Variants in ZNF385D observed in about 807,000 individuals in gnomAD.
ZNF385D encodes the protein zinc finger protein 659.
Under a neutral mutation model 35.8 loss-of-function variants are expected in ZNF385D, and 15 were observed. The ratio of observed to expected loss-of-function variants is 0.42; its 90% CI spans 0.28 to 0.64. ZNF385D has a LOEUF of 0.64. Among genes scored for constraint, ZNF385D ranks in the 30% least tolerant of loss-of-function variants. The probability of loss-of-function intolerance (pLI) is 0.23; values close to 1 mark genes in which losing one functional copy is unlikely to be tolerated. For missense variants in ZNF385D, 474 were observed against 494.6 expected, an observed-to-expected ratio of 0.96 and a Z score of 0.39; for synonymous variants, 212 against 186.8, an observed-to-expected ratio of 1.13 and a Z score of -1.10.
chr3:21,659,922 T>C (rs1039814936), intron 2 of ZNF385D, among the ~76,000 whole-genome samples: 1 of 152,158 alleles, frequency 6.6e-6, no homozygotes, highest in Non-Finnish European at 1.5e-5. Flanking sequence ...ACTTTTAACA[T>C]GATTACCTGT....
At chr3:22,236,747 A>C (rs933940098) in intron 2 of ZNF385D, among the ~76,000 whole-genome samples, 5 of 152,090 alleles carry the variant, frequency 3.3e-5, no homozygotes, top group Admixed American at 6.6e-5. Context: ...CTAGTAATCT[A>C]CTTTCTGTCT....
At chr3:22,103,158 C>G (rs766687638) in intron 3 of ZNF385D, among the ~76,000 whole-genome samples, 1 of 151,150 alleles carries the variant, frequency 6.6e-6, no homozygotes, top group African/African-American at 2.4e-5. Flanking sequence ...CAAGATACTG[C>G]GGTTGTACAA....
In ZNF385D at chr3:21,732,766, T is replaced by G. The variant is rs371669915; in HGVS notation, c.22+18129A>C. Among the ~76,000 whole-genome samples, 194 of 152,354 alleles carry G rather than the reference T, an allele frequency of 1.3e-3. 3 individuals carry two copies. The South Asian group carries it at 0.039, about 31-fold the overall frequency. On this transcript the variant is annotated intron_variant, in intron 1 of 7. Transcript: ENST00000281523. Reference sequence around the variant, plus strand: ...TGTTTTCTTATTCTTGACCTTGAAGTGTTCTCTGTATATTTTGGATGACAG... The same window carrying G: ...TGTTTTCTTATTCTTGACCTTGAAGGGTTCTCTGTATATTTTGGATGACAG...
At chr3:22,085,106 G>T (rs1700959128) in intron 3 of ZNF385D, among the ~76,000 whole-genome samples, 1 of 152,160 alleles carries the variant, frequency 6.6e-6, no homozygotes, top group Non-Finnish European at 1.5e-5. Context: ...AGCACTAAAT[G>T]CTCACAAGAG....
chr3:21,430,429 CATT>C (rs1195074979), intron 5 of ZNF385D, among the ~76,000 whole-genome samples: 1 of 151,994 alleles, frequency 6.6e-6, no homozygotes, highest in African/African-American at 2.4e-5. Flanking sequence ...GCTCTGAAGT[CATT>C]ATGGGGTAGG....
chr3:21,511,776 G>A (rs1323132937), intron 3 of ZNF385D: 6 of 456,096 alleles, frequency 1.3e-5, no homozygotes, highest in Non-Finnish European at 2.6e-5. Context: ...TATAGAGAGA[G>A]AGTTTAGAGT....
At chr3:22,046,601 T>A (rs569706937) in intron 3 of ZNF385D, among the ~76,000 whole-genome samples, 2 of 152,266 alleles carry the variant, frequency 1.3e-5, no homozygotes, top group South Asian at 4.1e-4. Context: ...TTTCCTTTCA[T>A]CTTCATTCAT....
At position 22,173,672 on chromosome 3, in the gene ZNF385D, C is replaced by A. The variant is rs181269827; in HGVS notation, c.107-4637G>T. 1.3e-3 allele frequency among the ~76,000 whole-genome samples: 201 copies of A among 152,238 alleles called. 1 individual carries two copies. Among genetic ancestry groups the A allele is most frequent in the African/African-American group, 4.6e-3 (191 of 41,548 alleles). On this transcript the variant is annotated intron_variant, in intron 2 of 5. Transcript: ENST00000494108. ...TGAAGAATGAGGGAAACATTCACTG[C>A]TTCATGTGCGGTCCACCATCGGATG...
At chr3:22,118,667 G>C (rs1029444212) in intron 3 of ZNF385D, among the ~76,000 whole-genome samples, 2 of 151,990 alleles carry the variant, frequency 1.3e-5, no homozygotes, top group Non-Finnish European at 2.9e-5. Context: ...ACAGCCTCTC[G>C]ATGGTTAAGA....
chr3:22,249,357 A>G (rs1260454965), intron 2 of ZNF385D, among the ~76,000 whole-genome samples: 1 of 152,158 alleles, frequency 6.6e-6, no homozygotes, highest in Non-Finnish European at 1.5e-5. Flanking sequence ...AGTAACAGAA[A>G]ATATTTTTGT....
chr3:21,979,186 TA>T (rs1049932143), intron 3 of ZNF385D, among the ~76,000 whole-genome samples: 1 of 152,058 alleles, frequency 6.6e-6, no homozygotes, highest in Admixed American at 6.5e-5. Flanking sequence ...CAAACATTTG[TA>T]AAAAGGAGGA....
chr3:22,307,209 A>C (rs1445002103), intron 2 of ZNF385D, among the ~76,000 whole-genome samples: 1 of 152,070 alleles, frequency 6.6e-6, no homozygotes, highest in East Asian at 1.9e-4. Flanking sequence ...TGGGGTGGGG[A>C]GGTGGGAAGT....
At chr3:21,706,309 A>G (rs754716570) in intron 1 of ZNF385D, among the ~76,000 whole-genome samples, 2 of 152,006 alleles carry the variant, frequency 1.3e-5, no homozygotes, top group African/African-American at 4.8e-5. Context: ...CAGTTCACAT[A>G]TCATACAAAT....
At chr3:21,981,444 C>G (rs4362739) in intron 3 of ZNF385D, among the ~76,000 whole-genome samples, 21,992 of 151,968 alleles carry the variant, frequency 0.14, 1,822 homozygotes, top group Middle Eastern at 0.23. Context: ...TTTTTAAGTT[C>G]CTTATAGATG....
intron 3 of ZNF385D, among the ~76,000 whole-genome samples, chr3:22,036,129 T>G (rs1289458046): frequency 1.3e-5 from 2 of 152,132 alleles, no homozygotes; most frequent in Admixed American, 6.6e-5. Flanking sequence ...GTACAGTAGT[T>G]AGAGAAAAAA....
intron 2 of ZNF385D, among the ~76,000 whole-genome samples, chr3:22,201,397 T>C (rs942469343): frequency 2.6e-5 from 4 of 152,110 alleles, no homozygotes; most frequent in Admixed American, 2.6e-4. Flanking sequence ...GAAAAAATAG[T>C]AGAGGTAGCT....
At chr3:22,176,310 T>C (rs1048648365) in intron 2 of ZNF385D, among the ~76,000 whole-genome samples, 3 of 152,142 alleles carry the variant, frequency 2.0e-5, no homozygotes, top group Middle Eastern at 3.2e-3. Flanking sequence ...ATCTAAACTG[T>C]TTGTCACATG....
At chr3:22,294,317 C>G (rs1559503641) in intron 2 of ZNF385D, among the ~76,000 whole-genome samples, 1 of 152,108 alleles carries the variant, frequency 6.6e-6, no homozygotes, top group South Asian at 2.1e-4. Flanking sequence ...TGTACAACTT[C>G]CCTCCTTAAT....
intron 3 of ZNF385D, among the ~76,000 whole-genome samples, chr3:21,966,753 T>C (rs932357767): frequency 2.6e-5 from 4 of 152,172 alleles, no homozygotes; most frequent in African/African-American, 9.7e-5. Context: ...AGCTAATTTT[T>C]GTATTTTTAG....
Sources: allele counts gnomAD v4.1 joint callset (sites outside exome capture counted in the v4.1 genomes callset), GRCh38; gene constraint gnomAD v4.1.1; transcripts MANE v1.5; gene names NCBI Gene and HGNC (gene_info 2026-07-23, HGNC 2026-07-21).